Variants in TMEFF2 observed in about 807,000 individuals in gnomAD.
TMEFF2 encodes transmembrane protein with EGF like and two follistatin like domains 2.
A neutral mutation model predicts 53.8 loss-of-function variants in TMEFF2; 28 were observed. The observed-to-expected ratio is 0.52, with a 90% CI of 0.39 to 0.71. The LOEUF (loss-of-function observed/expected upper bound fraction) is 0.71. TMEFF2 is among the 30% of genes least tolerant of loss of function. The pLI is 0.00. For synonymous variants in TMEFF2, 162 were observed against 166.3 expected (o/e 0.97, Z 0.20); for missense variants, 353 against 455.2 (o/e 0.78, Z 2.04).
intron 5 of TMEFF2, among the ~76,000 whole-genome samples, chr2:192,020,302 T>C (rs1047324752): frequency 2.2e-4 from 33 of 152,204 alleles, no homozygotes; most frequent in Admixed American, 2.6e-4. Flanking sequence ...GTGTAGAGAC[T>C]TGCATACATA....
At chr2:192,187,638 T>C (rs1399368089) in intron 2 of TMEFF2, among the ~76,000 whole-genome samples, 1 of 152,204 alleles carries the variant, frequency 6.6e-6, no homozygotes, top group Non-Finnish European at 1.5e-5. Context: ...CAAGTTCAGA[T>C]GGTTAGGTCC....
chr2:192,047,700 A>C (rs1399341725), intron 5 of TMEFF2, among the ~76,000 whole-genome samples: 1 of 152,186 alleles, frequency 6.6e-6, no homozygotes, highest in East Asian at 1.9e-4. Flanking sequence ...TTCTGTAATA[A>C]GCATTTAGAC....
At position 192,037,336 on chromosome 2, in the gene TMEFF2, A is replaced by AGAAAG. The variant is rs1553515677; in HGVS notation, c.536+20342_536+20343insCTTTC. Reference sequence around the variant, plus strand: ...AAGAAAGAAAGAAAGAAAGAAAGAAAAACAGAAAACAGAAAAAAAAACCTC... The same window carrying AGAAAG: ...AAGAAAGAAAGAAAGAAAGAAAGAAAGAAAGAACAGAAAACAGAAAAAAAAACCTC... On this transcript the variant is annotated intron_variant, in intron 5 of 9. Transcript: ENST00000272771. Among the ~76,000 whole-genome samples, 37 of 150,668 alleles carry AGAAAG rather than the reference A, an allele frequency of 2.5e-4. No homozygotes were observed. The East Asian group carries it at 6.5e-3, about 27-fold the overall frequency.
At chr2:192,061,248 C>T (rs2356763) in intron 4 of TMEFF2, among the ~76,000 whole-genome samples, 78,485 of 151,938 alleles carry the variant, frequency 0.52, 20,419 homozygotes, top group African/African-American at 0.59. Flanking sequence ...GTAATTCACT[C>T]TGATAAAAAT....
At chr2:192,059,672 T>A (rs1687997850) in intron 4 of TMEFF2, among the ~76,000 whole-genome samples, 1 of 152,174 alleles carries the variant, frequency 6.6e-6, no homozygotes, top group Admixed American at 6.5e-5. Flanking sequence ...CTGGAGGTCA[T>A]CCAGGGATAA....
At chr2:191,987,165 A>G (rs1251261391) in intron 7 of TMEFF2, among the ~76,000 whole-genome samples, 1 of 152,122 alleles carries the variant, frequency 6.6e-6, no homozygotes, top group Non-Finnish European at 1.5e-5. Flanking sequence ...ACTAGATGCC[A>G]GCAGTACTTA....
chr2:191,957,682 G>C (rs1206002586), intron 7 of TMEFF2, among the ~76,000 whole-genome samples: 1 of 152,100 alleles, frequency 6.6e-6, no homozygotes, highest in Non-Finnish European at 1.5e-5. Flanking sequence ...CTTGTGTAGA[G>C]ATATTTATAT....
At chr2:192,143,919 A>G (rs775240223) in intron 4 of TMEFF2, among the ~76,000 whole-genome samples, 3 of 152,134 alleles carry the variant, frequency 2.0e-5, no homozygotes, top group Non-Finnish European at 4.4e-5. Context: ...TTTTTACTTC[A>G]TAATGTCATG....
chr2:191,978,128 AT>A (rs1322485877), intron 7 of TMEFF2, among the ~76,000 whole-genome samples: 1 of 151,832 alleles, frequency 6.6e-6, no homozygotes, highest in Non-Finnish European at 1.5e-5. Flanking sequence ...TTTAATCCTC[AT>A]TAGGGATTTG....
At chr2:192,022,996 A>T (rs1483454840) in intron 5 of TMEFF2, among the ~76,000 whole-genome samples, 1 of 151,868 alleles carries the variant, frequency 6.6e-6, no homozygotes, top group African/African-American at 2.4e-5. Flanking sequence ...GACATTGAAG[A>T]TTTTTTTATC....
intron 4 of TMEFF2, among the ~76,000 whole-genome samples, chr2:192,090,867 TAAGA>T (rs1487680665): frequency 6.6e-6 from 1 of 152,146 alleles, no homozygotes; most frequent in Non-Finnish European, 1.5e-5. Flanking sequence ...TTTTATAGGA[TAAGA>T]AAGACTTCAT....
chr2:192,166,523 G>A (rs1314943822), intron 4 of TMEFF2, among the ~76,000 whole-genome samples: 2 of 152,094 alleles, frequency 1.3e-5, no homozygotes, highest in Non-Finnish European at 2.9e-5. Context: ...AAGATATTGA[G>A]AAAGGAGAAA....
chr2:192,031,694 GGAGCTGGGCCTTTATAT>G (rs1242545016), intron 5 of TMEFF2: 1 of 152,178 alleles, frequency 6.6e-6, no homozygotes, highest in Non-Finnish European at 1.5e-5. Context: ...AGTTGGTCAG[GGAGCTGGGCCTTTATAT>G]AAAACACCAA....
intron 4 of TMEFF2, among the ~76,000 whole-genome samples, chr2:192,139,761 A>G (rs1467785127): frequency 6.6e-6 from 1 of 152,204 alleles, no homozygotes; most frequent in Non-Finnish European, 1.5e-5. Flanking sequence ...CATTATATAA[A>G]TCACACTTTA....
In TMEFF2 at chr2:192,119,891, A is replaced by AAAGCC. The variant is rs1436481185; in HGVS notation, c.439+59772_439+59776dup. The stretch of plus-strand genomic sequence containing the variant: ...AACTTTGCTGCAACAGCTAATTTTT[A>AAAGCC]AAGCCAACCTGGGTTAAATTACAGT... On this transcript the variant is annotated intron_variant, in intron 4 of 9. Transcript: ENST00000272771. Among the ~76,000 whole-genome samples, 3 of 152,200 alleles carry AAAGCC rather than the reference A, an allele frequency of 2.0e-5. 1 individual carries two copies. The highest frequency in any genetic ancestry group is 4.4e-5 in the Non-Finnish European group (3 of 68,032).
chr2:192,126,531 C>T (rs1050760067), intron 4 of TMEFF2, among the ~76,000 whole-genome samples: 2 of 152,160 alleles, frequency 1.3e-5, no homozygotes, highest in African/African-American at 4.8e-5. Flanking sequence ...CAGTCCCAAA[C>T]TAAAGATACT....
chr2:192,000,236 T>C (rs2105837360), intron 5 of TMEFF2, among the ~76,000 whole-genome samples: 1 of 152,260 alleles, frequency 6.6e-6, no homozygotes, highest in African/African-American at 2.4e-5. Flanking sequence ...AGATTATATG[T>C]TTCTCAAAGT....
chr2:191,963,924 A>G (rs1692340263), intron 7 of TMEFF2, among the ~76,000 whole-genome samples: 1 of 152,204 alleles, frequency 6.6e-6, no homozygotes, highest in African/African-American at 2.4e-5. Flanking sequence ...TTCAAGGTAG[A>G]TTTATAAAAT....
intron 4 of TMEFF2, among the ~76,000 whole-genome samples, chr2:192,087,523 C>A (rs78316098): frequency 6.6e-6 from 1 of 151,964 alleles, no homozygotes; most frequent in Admixed American, 6.6e-5. Context: ...AGAGACAGCC[C>A]GTCAAATCTT....
Sources: gnomAD v4.1 joint callset for allele counts (sites outside exome capture counted in the v4.1 genomes callset) on GRCh38, gnomAD v4.1.1 for gene constraint, MANE v1.5 for transcripts, NCBI Gene and HGNC (gene_info 2026-07-23, HGNC 2026-07-21) for gene names.